The following GRIP2 variants were observed in gnomAD, a reference collection of about 807,000 sequenced individuals.
GRIP2 encodes glutamate receptor-interacting protein 2.
GRIP2 carries 58 observed loss-of-function variants against 108.3 expected under a neutral mutation model. The observed-to-expected ratio is 0.54, with a 90% CI of 0.43 to 0.67. The LOEUF is 0.67. GRIP2 is among the 30% of genes least tolerant of loss of function. The pLI is 0.00. For missense variants in GRIP2, 1,278 were observed against 1,430.6 expected, an observed-to-expected ratio of 0.89 and a Z score of 1.72; for synonymous variants, 586 against 598.2, an observed-to-expected ratio of 0.98 and a Z score of 0.30.
At chr3:14,593,276 T>C in the GRIP2 span, among the ~76,000 whole-genome samples, 1 of 152,196 alleles carries the variant, frequency 6.6e-6, no homozygotes, top group Non-Finnish European at 1.5e-5. Flanking sequence ...ATTCCTGAGA[T>C]AAATATTTGC....
intron 21 of GRIP2, among the ~76,000 whole-genome samples, chr3:14,499,543 C>T (rs1360794749): frequency 1.3e-5 from 2 of 150,194 alleles, no homozygotes; most frequent in Non-Finnish European, 3.0e-5. Context: ...TGGTGAAACC[C>T]TGTCTCTACC....
At chr3:14,574,037 C>T in the GRIP2 span, 32 of 1,494,704 alleles carry the variant, frequency 2.1e-5, no homozygotes, top group African/African-American at 4.4e-4. Flanking sequence ...TGGGCCCGAT[C>T]CAGAAGTTCT....
upstream of GRIP2, among the ~76,000 whole-genome samples, chr3:14,541,394 C>T (rs931237287): frequency 7.9e-5 from 12 of 152,310 alleles, no homozygotes; most frequent in South Asian, 8.3e-4. Flanking sequence ...AGTTCCTGAC[C>T]GCGTGGGAAC....
the GRIP2 span, chr3:14,573,802 C>T: frequency 3.9e-6 from 6 of 1,546,554 alleles, no homozygotes; most frequent in African/African-American, 2.7e-5. Context: ...CTCTTGTGGC[C>T]GGCAAGCTCT....
intron 1 of GRIP2, among the ~76,000 whole-genome samples, chr3:14,526,383 G>C (rs550062069): frequency 1.3e-5 from 2 of 152,288 alleles, no homozygotes; most frequent in East Asian, 3.9e-4. Flanking sequence ...TGCTGGGAGG[G>C]GGAGCTCTCT....
chr3:14,585,214 G>A, the GRIP2 span, among the ~76,000 whole-genome samples: 1 of 152,134 alleles, frequency 6.6e-6, no homozygotes, highest in Non-Finnish European at 1.5e-5. Context: ...GTAGAGATGG[G>A]GTTTCACCAT....
Position 14,540,147 on chromosome 3 carries a change from GGGTCTCCAGGGAGTGGCAGTCCCA to G in GRIP2, c.40+98_40+121del. ...TCCTGCCCCACCCTCCCCAAGCCCT[GGGTCTCCAGGGAGTGGCAGTCCCA>G]GGTCTCAGCCATCCAGTCCCCTCTC... On this transcript the variant is annotated intron_variant, in intron 1 of 23. Transcript: ENST00000621039. The surrounding 1 kb of genome is among the most constrained non-coding windows in gnomAD (Gnocchi z 4.1). 1.6e-6 allele frequency: 2 copies of G among 1,271,770 alleles called. No homozygotes were observed. 78.8% of individuals were successfully genotyped at this position (1,271,770 alleles called of 1,614,324 possible).
At chr3:14,551,487 G>A (rs943060335) in intron 1 of GRIP2, among the ~76,000 whole-genome samples, 4 of 152,188 alleles carry the variant, frequency 2.6e-5, no homozygotes, top group African/African-American at 9.6e-5. Flanking sequence ...AGAGGATGGG[G>A]TATGGATGGA....
chr3:14,537,486 C>T (rs1172032377), intron 1 of GRIP2, among the ~76,000 whole-genome samples: 2 of 152,262 alleles, frequency 1.3e-5, no homozygotes, highest in Admixed American at 6.5e-5. Flanking sequence ...CTGTGTGCAG[C>T]GCACACATTG....
At chr3:14,542,024 C>T (rs1246462125), upstream of GRIP2, 1 of 1,353,690 alleles carries the variant, frequency 7.4e-7, no homozygotes, top group Non-Finnish European at 9.8e-7. Flanking sequence ...AGATCCTCAC[C>T]CCACTCGCCT....
At chr3:14,595,386 C>G in the GRIP2 span, among the ~76,000 whole-genome samples, 1 of 152,192 alleles carries the variant, frequency 6.6e-6, no homozygotes, top group Admixed American at 6.5e-5. Context: ...CCTGCTCCAG[C>G]ACACTCTTCA....
the GRIP2 span, among the ~76,000 whole-genome samples, chr3:14,585,444 T>C: frequency 8.5e-5 from 13 of 152,266 alleles, no homozygotes; most frequent in Admixed American, 5.9e-4. Flanking sequence ...GGAGGTAGAA[T>C]TGGCCCATTT....
rs1274693597 is a variant in GRIP2, at chr3:14,523,662, A to G, written c.440T>C (p.Val147Ala). 6.2e-7 allele frequency: 1 copy of G among 1,612,262 alleles called. No homozygotes were observed. The highest frequency in any genetic ancestry group is 8.5e-7 in the Non-Finnish European group (1 of 1,179,266). The change falls in exon 5 of 24, where the codon GTG becomes GCG. Residue 147 changes from valine (V) to alanine (A), a missense_variant. Transcript: ENST00000621039. ...ENNPRIISKT[V>A]DVSLYKEGNS... ...GCCCTCCTTGTAGAGGGAGACGTCC[A>G]CTGTCTTTGAAATGATCCTGGGGTT...
At chr3:14,578,502 A>G in the GRIP2 span, among the ~76,000 whole-genome samples, 1 of 152,152 alleles carries the variant, frequency 6.6e-6, no homozygotes, top group African/African-American at 2.4e-5. Flanking sequence ...GGATCACTTG[A>G]GGTCAGGAGC....
the GRIP2 span, among the ~76,000 whole-genome samples, chr3:14,581,248 G>A: frequency 6.6e-6 from 1 of 152,230 alleles, no homozygotes; most frequent in Non-Finnish European, 1.5e-5. Context: ...GGCTCCCACA[G>A]TGGACATCAG....
the GRIP2 span, chr3:14,573,251 G>A: frequency 7.1e-7 from 1 of 1,403,672 alleles, no homozygotes. Context: ...TGCCAAACTG[G>A]GAGCCAGCTG....
In GRIP2 at chr3:14,522,731, G is replaced by T; in HGVS notation, c.566+269C>A. 1 of 464,448 alleles carries T rather than the reference G, an allele frequency of 2.2e-6. No individual in the cohort carries two copies. Among genetic ancestry groups the T allele is most frequent in the Non-Finnish European group, 3.9e-6 (1 of 256,836 alleles). 28.8% of individuals were successfully genotyped at this position (464,448 alleles called of 1,614,324 possible). A position where few individuals can be genotyped will look rare whatever the true frequency, so the allele number is the denominator to read the frequency against. On this transcript the variant is annotated intron_variant, in intron 6 of 23. Transcript: ENST00000621039. This position sits in a 1 kb window ranked among gnomAD's most constrained non-coding sequence, Gnocchi z 4.3. Reference sequence around the variant, plus strand: ...ACGGGAAAACCAAGGAGCAGGAAAGGGAAGAACGACACCAAGGCTGCCCCT... The same window carrying T: ...ACGGGAAAACCAAGGAGCAGGAAAGTGAAGAACGACACCAAGGCTGCCCCT...
At chr3:14,501,185 T>C (rs540218507) in intron 21 of GRIP2, among the ~76,000 whole-genome samples, 4 of 152,140 alleles carry the variant, frequency 2.6e-5, no homozygotes, top group Non-Finnish European at 5.9e-5. Flanking sequence ...ACAGAGTAGA[T>C]AGCAATTGCC....
chr3:14,574,014 A>C, the GRIP2 span: 13 of 1,347,872 alleles, frequency 9.6e-6, no homozygotes, highest in Admixed American at 2.3e-4. Context: ...CAGGTGGATG[A>C]GGGCCTCCGA....
Sources: allele counts gnomAD v4.1 joint callset (sites outside exome capture counted in the v4.1 genomes callset), GRCh38; gene constraint gnomAD v4.1.1; non-coding constraint Gnocchi (gnomAD v3.1); transcripts MANE v1.5; gene names NCBI Gene and HGNC (gene_info 2026-07-23, HGNC 2026-07-21).